Variants in NOTCH2NLR observed in about 807,000 individuals in gnomAD.
NOTCH2NLR encodes the protein notch 2 N-terminal like R (pseudogene).
In NOTCH2NLR, 33 loss-of-function variants were observed where a neutral mutation model predicts 35.6. The observed-to-expected ratio is 0.93, with a 90% CI of 0.70 to 1.24. The LOEUF (loss-of-function observed/expected upper bound fraction) is 1.24. Ranked by LOEUF, NOTCH2NLR falls within the 50% of genes most tolerant of loss-of-function variation. The probability of loss-of-function intolerance (pLI) is 0.00; values close to 1 mark genes in which losing one functional copy is unlikely to be tolerated. For synonymous variants in NOTCH2NLR, 103 were observed against 141.0 expected, an observed-to-expected ratio of 0.73 and a Z score of 1.91; for missense variants, 276 against 362.2, an observed-to-expected ratio of 0.76 and a Z score of 1.93.
rs1462210084 is a variant in NOTCH2NLR, at chr1:120,728,469, T to C, written c.73+4219T>C. 1.4e-4 allele frequency among the ~76,000 whole-genome samples: 16 copies of C among 115,232 alleles called. 5 individuals carry two copies. Among genetic ancestry groups the C allele is most frequent in the Middle Eastern group, 7.7e-3 (2 of 260 alleles). 75.6% of individuals were successfully genotyped at this position (115,232 alleles called of 152,430 possible). A position where few individuals can be genotyped will look rare whatever the true frequency, so the allele number is the denominator to read the frequency against. On this transcript the variant is annotated intron_variant, in intron 1 of 4. Transcript: ENST00000624419. ...TTTGTGTGTGGGGTTTCTTTCTTTC[T>C]TTTTCTGATCACTTCTGCAATTTAT...
chr1:120,724,314 T>A, intron 1 of NOTCH2NLR, 64 bp downstream of exon 1: 2 of 1,359,998 alleles, frequency 1.5e-6, no homozygotes, highest in Non-Finnish European at 1.9e-6. Context: ...GCGACCCTTC[T>A]CCCCCTCAGT....
intron 1 of NOTCH2NLR, among the ~76,000 whole-genome samples, chr1:120,728,544 C>T (rs1650840467): frequency 8.5e-6 from 1 of 117,230 alleles, no homozygotes; most frequent in Non-Finnish European, 1.6e-5. Flanking sequence ...CCATCCACCC[C>T]CTGCCTCTCA....
Position 120,755,468 on chromosome 1 carries a change from GC to G in NOTCH2NLR, c.74-8159del, listed in dbSNP as rs1193526381. On this transcript the variant is annotated intron_variant, in intron 1 of 4. Coordinates refer to ENST00000624419, the Ensembl canonical transcript of NOTCH2NLR. ...ATCCAGGTATTGAAATTTAACCCAT[GC>G]ATAAATTGAATTTTTTTCTGAAGTC... Among the ~76,000 whole-genome samples, 5 of 93,648 alleles carry G rather than the reference GC, an allele frequency of 5.3e-5. 2 individuals are homozygous for G. The highest frequency in any genetic ancestry group is 2.2e-4 in the African/African-American group (3 of 13,346). 61.4% of individuals were successfully genotyped at this position (93,648 alleles called of 152,430 possible).
chr1:120,784,742 A>G (rs1187279122), intron 2 of NOTCH2NLR, among the ~76,000 whole-genome samples: 1 of 118,148 alleles, frequency 8.5e-6, no homozygotes, highest in East Asian at 2.1e-4. Flanking sequence ...ATTAGAATGT[A>G]AACTCCAAGA....
intron 2 of NOTCH2NLR, among the ~76,000 whole-genome samples, chr1:120,781,838 G>T (rs1651365309): frequency 8.5e-6 from 1 of 117,496 alleles, no homozygotes; most frequent in African/African-American, 4.8e-5. Context: ...GATTACTGGT[G>T]TGAGCCACCG....
intron 1 of NOTCH2NLR, among the ~76,000 whole-genome samples, chr1:120,752,535 TATATATATATATATATATA>T (rs1651028939): frequency 6.8e-5 from 1 of 14,692 alleles, no homozygotes; most frequent in Admixed American, 8.2e-4. Context: ...TATATATATA[TATATATATATATATATATA>T]TTTTTTTTTT....
chr1:120,756,412 A>G (rs1327635532), intron 1 of NOTCH2NLR, among the ~76,000 whole-genome samples: 1 of 117,924 alleles, frequency 8.5e-6, no homozygotes, highest in Non-Finnish European at 1.6e-5. Context: ...CTCTTCATGT[A>G]TTTTAGGAGC....
chr1:120,765,773 G>T lies in NOTCH2NLR; in HGVS notation c.155+2064G>T, dbSNP rs1282952707. 4.8e-4 allele frequency among the ~76,000 whole-genome samples: 61 copies of T among 127,426 alleles called. 3 individuals are homozygous for T. The Middle Eastern group carries it at 0.011, about 24-fold the overall frequency. 83.6% of individuals were successfully genotyped at this position (127,426 alleles called of 152,430 possible). ...AGACTGGATAAAGAAAATGTGGCAT[G>T]TATACACGATGGAATACTATGCAGC... On this transcript the variant is annotated intron_variant, in intron 2 of 4. Transcript: ENST00000624419.
At chr1:120,770,585 G>A (rs1651252016) in intron 2 of NOTCH2NLR, among the ~76,000 whole-genome samples, 1 of 119,210 alleles carries the variant, frequency 8.4e-6, no homozygotes, top group Non-Finnish European at 1.6e-5. Context: ...TGCATATTAG[G>A]GTCTGTTCTC....
intron 1 of NOTCH2NLR, among the ~76,000 whole-genome samples, chr1:120,737,864 G>A (rs1471589045): frequency 9.5e-6 from 1 of 105,544 alleles, no homozygotes; most frequent in East Asian, 2.2e-4. Context: ...TGGTTGTCAG[G>A]TTTTTATTTT....
chr1:120,788,514 G>A lies in NOTCH2NLR; in HGVS notation c.415+3281G>A, dbSNP rs1651449087. On this transcript the variant is annotated intron_variant, in intron 3 of 4. Coordinates refer to ENST00000624419, the Ensembl canonical transcript of NOTCH2NLR. ...TTCCATTTCCACCCCGTGATTCCTG[G>A]ACCTGTGAATCCTGGCTATGGGAGA... is the stretch of plus-strand genomic sequence containing the variant. Among the ~76,000 whole-genome samples, 2 of 45,208 alleles carry A rather than the reference G, an allele frequency of 4.4e-5. 1 individual carries two copies. The highest frequency in any genetic ancestry group is 3.0e-4 in the African/African-American group (2 of 6,736). 29.7% of individuals were successfully genotyped at this position (45,208 alleles called of 152,430 possible).
chr1:120,785,094 T>A lies in NOTCH2NLR; in HGVS notation c.276T>A (p.Cys92Ter). The change falls in exon 3 of 5, where the codon TGT becomes TGA. Residue 92 changes from cysteine (C) to a stop codon, truncating the protein, a stop_gained. Coordinates refer to ENST00000624419, the Ensembl canonical transcript of NOTCH2NLR. LOFTEE classifies it high-confidence loss of function. ...TGCTGGGGAAAGCCACGTGCCGGTG[T>A]GCCTCAGGGTTTACAGGAGAGGACT... 6.9e-7 allele frequency: 1 copy of A among 1,446,358 alleles called. No homozygotes were observed. The highest frequency in any genetic ancestry group is 9.2e-7 in the Non-Finnish European group (1 of 1,082,356). The allele number at this position is 1,446,358 out of a possible 1,614,324, so 89.6% of individuals were successfully genotyped here.
chr1:120,737,634 C>T (rs1404103936), intron 1 of NOTCH2NLR, among the ~76,000 whole-genome samples: 5 of 104,632 alleles, frequency 4.8e-5, no homozygotes, highest in African/African-American at 2.8e-4. Context: ...TTTAAAATTT[C>T]AATGACAGCA....
At position 120,790,644 on chromosome 1, in the gene NOTCH2NLR, T is replaced by C. The variant is rs1213726380; in HGVS notation, c.416-2517T>C. On this transcript the variant is annotated intron_variant, in intron 3 of 4. Coordinates refer to ENST00000624419, the Ensembl canonical transcript of NOTCH2NLR. ...TCTGTCTTTCTTTCTTCTCACTCTG[T>C]TGCTTAGTACAGTGGCGCAGTCTCG... 1.8e-5 allele frequency among the ~76,000 whole-genome samples: 2 copies of C among 108,688 alleles called. 1 individual carries two copies. Among genetic ancestry groups the C allele is most frequent in the Non-Finnish European group, 3.4e-5 (2 of 57,984 alleles). The allele number at this position is 108,688 out of a possible 152,430, so 71.3% of individuals were successfully genotyped here. A position where few individuals can be genotyped will look rare whatever the true frequency, so the allele number is the denominator to read the frequency against.
intron 1 of NOTCH2NLR, 70 bp downstream of exon 1, chr1:120,724,320 T>C (rs1650790495): frequency 1.5e-6 from 2 of 1,360,436 alleles, no homozygotes; most frequent in African/African-American, 2.7e-5. Context: ...CTTCTCCCCC[T>C]CAGTCCTTCT....
rs1651177332 is a variant in NOTCH2NLR at position 120,765,173 on chromosome 1, A to G, written c.155+1464A>G. 1.6e-5 allele frequency among the ~76,000 whole-genome samples: 2 copies of G among 121,446 alleles called. 1 individual carries two copies. Among genetic ancestry groups the G allele is most frequent in the African/African-American group, 8.3e-5 (2 of 24,130 alleles). The allele number at this position is 121,446 out of a possible 152,430, so 79.7% of individuals were successfully genotyped here. On this transcript the variant is annotated intron_variant, in intron 2 of 4. Coordinates refer to ENST00000624419, the Ensembl canonical transcript of NOTCH2NLR. ...AGTTTTTCTAGCTGGGGGAAAAAAA[A>G]AACATGTGGTGCATTCTCCTCTAAG...
chr1:120,723,991 A>C lies in NOTCH2NLR; in HGVS notation c.-187A>C. ...TGAGGCGGCGGCCGAGGAGCGGCGG[A>C]CTCGGGGCGCGGGGAGTCGAGGCAT... On this transcript the variant is annotated 5_prime_UTR_variant, in exon 1 of 5. Transcript: ENST00000624419. 2 of 1,190,916 alleles carry C rather than the reference A, an allele frequency of 1.7e-6. 1 individual carries two copies. Among genetic ancestry groups the C allele is most frequent in the Non-Finnish European group, 2.1e-6 (2 of 952,966 alleles). The allele number at this position is 1,190,916 out of a possible 1,614,324, so 73.8% of individuals were successfully genotyped here. A position where few individuals can be genotyped will look rare whatever the true frequency, so the allele number is the denominator to read the frequency against.
In NOTCH2NLR at chr1:120,790,468, G is replaced by T. The variant is rs1651474615; in HGVS notation, c.416-2693G>T. ...AGAGATGAAGAAGCAGAGGCAGCAA[G>T]TTAGTGCCTATACATAATATATATG... On this transcript the variant is annotated intron_variant, in intron 3 of 4. Coordinates refer to ENST00000624419, the Ensembl canonical transcript of NOTCH2NLR. Among the ~76,000 whole-genome samples, 3 of 116,856 alleles carry T rather than the reference G, an allele frequency of 2.6e-5. 1 individual carries two copies. Among genetic ancestry groups the T allele is most frequent in the African/African-American group, 1.5e-4 (3 of 19,908 alleles). The allele number at this position is 116,856 out of a possible 152,430, so 76.7% of individuals were successfully genotyped here.
At position 120,750,497 on chromosome 1, in the gene NOTCH2NLR, G is replaced by C. The variant is rs1174950420; in HGVS notation, c.74-13131G>C. 6.5e-5 allele frequency among the ~76,000 whole-genome samples: 7 copies of C among 107,090 alleles called. 1 individual carries two copies. The highest frequency in any genetic ancestry group is 1.2e-4 in the Non-Finnish European group (7 of 57,798). The allele number at this position is 107,090 out of a possible 152,430, so 70.3% of individuals were successfully genotyped here. A position where few individuals can be genotyped will look rare whatever the true frequency, so the allele number is the denominator to read the frequency against. On this transcript the variant is annotated intron_variant, in intron 1 of 4. Transcript: ENST00000624419. ...ATGTTAATCCTAAATATATTCTGTG[G>C]AGTACTATCAGATGCCTTGCTTTTC...
Sources: gnomAD v4.1 joint callset for allele counts (sites outside exome capture counted in the v4.1 genomes callset) on GRCh38, gnomAD v4.1.1 for gene constraint, MANE v1.5 for transcripts, NCBI Gene and HGNC (gene_info 2026-07-23, HGNC 2026-07-21) for gene names.